Variants in IGSF10 observed in about 807,000 individuals in gnomAD.
IGSF10 encodes immunoglobulin superfamily member 10.
Under a neutral mutation model 128.2 loss-of-function variants are expected in IGSF10, and 126 were observed. The observed-to-expected ratio is 0.98, with a 90% CI of 0.85 to 1.14. The LOEUF is 1.14. Ranked by LOEUF, IGSF10 falls within the 50% of genes most tolerant of loss-of-function variation. The pLI, the probability that IGSF10 is intolerant of heterozygous loss-of-function variation, is 0.00. For synonymous variants in IGSF10, 1,185 were observed against 1,146.2 expected, an observed-to-expected ratio of 1.03 and a Z score of -0.68; for missense variants, 3,295 against 3,149.8, an observed-to-expected ratio of 1.05 and a Z score of -1.10.
chr3:151,499,573 A>G, the IGSF10 span: 1 of 152,096 alleles, frequency 6.6e-6, no homozygotes, highest in Non-Finnish European at 1.5e-5. Context: ...GAACAAGAGA[A>G]TTGTGTTCAT....
chr3:151,527,395 G>A, the IGSF10 span, among the ~76,000 whole-genome samples: 1 of 152,022 alleles, frequency 6.6e-6, no homozygotes, highest in African/African-American at 2.4e-5. Flanking sequence ...AATTCTTCTT[G>A]GCCCAATACA....
chr3:151,548,733 T>C, the IGSF10 span, among the ~76,000 whole-genome samples: 4 of 152,208 alleles, frequency 2.6e-5, no homozygotes, highest in South Asian at 8.3e-4. Context: ...TTTTCCTTTT[T>C]TTAATTTAAT....
At chr3:151,502,308 A>G in the IGSF10 span, among the ~76,000 whole-genome samples, 1 of 152,080 alleles carries the variant, frequency 6.6e-6, no homozygotes, top group African/African-American at 2.4e-5. Flanking sequence ...TTGTAAGTAA[A>G]TCCTTTTCAC....
intron 4 of IGSF10, among the ~76,000 whole-genome samples, chr3:151,455,312 A>G (rs1422761654): frequency 6.6e-6 from 1 of 151,766 alleles, no homozygotes; most frequent in Non-Finnish European, 1.5e-5. Context: ...GGGTTTCTCC[A>G]TGTTGGTCAG....
chr3:151,537,720 T>C, the IGSF10 span, among the ~76,000 whole-genome samples: 2 of 149,466 alleles, frequency 1.3e-5, no homozygotes, highest in African/African-American at 5.1e-5. Context: ...CATGGACTCT[T>C]AAAAAAAATA....
At chr3:151,578,107 C>T in the IGSF10 span, among the ~76,000 whole-genome samples, 1 of 152,008 alleles carries the variant, frequency 6.6e-6, no homozygotes, top group Non-Finnish European at 1.5e-5. Context: ...TACTGTGTAG[C>T]CATAATTTTC....
the IGSF10 span, among the ~76,000 whole-genome samples, chr3:151,551,775 C>T: frequency 2.6e-5 from 4 of 151,152 alleles, no homozygotes; most frequent in African/African-American, 9.7e-5. Flanking sequence ...TCTATTCTTG[C>T]AATTTAAATA....
the IGSF10 span, among the ~76,000 whole-genome samples, chr3:151,549,005 C>T: frequency 2.6e-5 from 4 of 152,054 alleles, no homozygotes; most frequent in Admixed American, 2.6e-4. Flanking sequence ...TGTTAGTAAT[C>T]ATTTTTGTTC....
At position 151,446,873 on chromosome 3, in the gene IGSF10, G is replaced by T. The variant is rs372349376; in HGVS notation, c.3108C>A (p.Tyr1036Ter). The T allele has an allele frequency of 1.2e-6, 2 of 1,614,194 alleles. No individual in the cohort carries two copies. The highest frequency in any genetic ancestry group is 2.2e-5 in the East Asian group (1 of 44,886). The change falls in exon 6 of 8, where the codon TAC (tyrosine) becomes TAA (stop). Residue 1036 changes from tyrosine (Y) to a stop codon, truncating the protein, a stop_gained. Transcript: ENST00000282466. LOFTEE classifies it high-confidence loss of function. Reference protein sequence around the residue: ...YRTPVLRRHRYSIFRSTTRGS... With the variant: ...YRTPVLRRHR ...CTCTGGTTGTTGACCTGAAAATGCT[G>T]TATCTATGCCGTCGCAGAACTGGAG...
chr3:151,446,078 A>G lies in IGSF10; in HGVS notation c.3903T>C (p.Ile1301=), dbSNP rs776020588. Residue 1301 remains isoleucine, a synonymous_variant, in exon 6 of 8, where the codon ATT becomes ATC. Coordinates refer to ENST00000282466, the MANE Select transcript of IGSF10 (RefSeq NM_178822.5). ...FPPLNPMLPS[I]ISKDSSTKSI... is the part of the protein sequence containing the mutation. ...TTTTTGTACTTGAGTCTTTGCTTAT[A>G]ATACTAGGAAGCATAGGGTTAAGGG... 2 of 1,614,108 alleles carry G rather than the reference A, an allele frequency of 1.2e-6. No homozygotes were observed. The highest frequency in any genetic ancestry group is 1.7e-6 in the Non-Finnish European group (2 of 1,179,984).
the IGSF10 span, among the ~76,000 whole-genome samples, chr3:151,619,800 GATAGGTTAATGGGTTA>G: frequency 5.3e-5 from 8 of 152,100 alleles, no homozygotes; most frequent in Admixed American, 4.6e-4. Context: ...TTAATGGGTT[GATAGGTTAATGGGTTA>G]ATAGGTTAAT....
downstream of IGSF10, chr3:151,433,616 T>C (rs1029322898): frequency 1.2e-4 from 19 of 152,378 alleles, no homozygotes; most frequent in Admixed American, 1.2e-3. Flanking sequence ...AGTGGAATCG[T>C]CCAACTATTT....
the IGSF10 span, among the ~76,000 whole-genome samples, chr3:151,501,979 G>C: frequency 2.7e-4 from 41 of 151,912 alleles, no homozygotes; most frequent in African/African-American, 9.7e-4. Context: ...TCCTAGATTG[G>C]ATGTATCACT....
chr3:151,567,459 T>A, the IGSF10 span, among the ~76,000 whole-genome samples: 1 of 152,164 alleles, frequency 6.6e-6, no homozygotes, highest in Non-Finnish European at 1.5e-5. Flanking sequence ...ACTGTAAACC[T>A]ACTTGAACTT....
the IGSF10 span, among the ~76,000 whole-genome samples, chr3:151,600,880 T>A: frequency 6.6e-6 from 1 of 152,146 alleles, no homozygotes; most frequent in Non-Finnish European, 1.5e-5. Flanking sequence ...GTTTCATATG[T>A]TTAAAGGTCA....
chr3:151,505,580 G>A, the IGSF10 span, among the ~76,000 whole-genome samples: 10 of 152,264 alleles, frequency 6.6e-5, no homozygotes, highest in South Asian at 6.2e-4. Flanking sequence ...GCTTATATAT[G>A]TATAGGTATT....
At chr3:151,432,599 C>T (rs1719659586), downstream of IGSF10, 1 of 575,868 alleles carries the variant, frequency 1.7e-6, no homozygotes, top group Non-Finnish European at 3.1e-6. Flanking sequence ...TTGAATCCCA[C>T]CACAAGGGTT....
intron 5 of IGSF10, among the ~76,000 whole-genome samples, chr3:151,452,044 C>T (rs1313416246): frequency 6.6e-6 from 1 of 152,118 alleles, no homozygotes; most frequent in Non-Finnish European, 1.5e-5. Context: ...GAACAACTGT[C>T]GAATCTCTTG....
At chr3:151,475,066 C>T in the IGSF10 span, among the ~76,000 whole-genome samples, 1 of 152,148 alleles carries the variant, frequency 6.6e-6, no homozygotes, top group Non-Finnish European at 1.5e-5. Context: ...TTGATAGTCA[C>T]AGTAATAGCC....
Sources: allele counts gnomAD v4.1 joint callset (sites outside exome capture counted in the v4.1 genomes callset), GRCh38; gene constraint gnomAD v4.1.1; transcripts MANE v1.5; gene names NCBI Gene and HGNC (gene_info 2026-07-23, HGNC 2026-07-21).